Variants in HOXC9 observed in about 807,000 individuals in gnomAD.
HOXC9 encodes homeobox protein Hox-C9.
HOXC9 carries 10 observed loss-of-function variants against 20.0 expected under a neutral mutation model. The observed-to-expected ratio is 0.50, with a 90% CI of 0.31 to 0.85. The LOEUF is 0.85. Among genes scored for constraint, HOXC9 ranks in the 40% least tolerant of loss-of-function variants. The probability of loss-of-function intolerance (pLI) is 0.05; values close to 1 mark genes in which losing one functional copy is unlikely to be tolerated. For synonymous variants in HOXC9, 200 were observed against 163.7 expected, an observed-to-expected ratio of 1.22 and a Z score of -1.69; for missense variants, 394 against 376.7, an observed-to-expected ratio of 1.05 and a Z score of -0.38.
At position 54,000,741 on chromosome 12, in the gene HOXC9, AT is replaced by A. The variant is rs748476702; in HGVS notation, c.538+19del. On this transcript the variant is annotated intron_variant, in intron 1 of 1. Transcript: ENST00000303450. ...CCTGGACCCCAGTAAGTTGGGAGCA[AT>A]TTTCCTTTACAACCGGCGCGGGAGG... 2.7e-6 allele frequency: 4 copies of A among 1,500,794 alleles called. No individual in the cohort carries two copies. The South Asian group carries it at 5.3e-5, about 20-fold the overall frequency. 93.0% of individuals were successfully genotyped at this position (1,500,794 alleles called of 1,614,324 possible). A position where few individuals can be genotyped will look rare whatever the true frequency, so the allele number is the denominator to read the frequency against.
In HOXC9 at chr12:54,002,470, GA is replaced by G; in HGVS notation, c.581del (p.Lys194ArgfsTer24). The G allele has an allele frequency of 1.6e-5, 26 of 1,614,136 alleles. No individual in the cohort carries two copies. Among genetic ancestry groups the G allele is most frequent in the Non-Finnish European group, 2.0e-5 (24 of 1,180,008 alleles). ...ACTGGATTCACGCCCGCTCCACGAG[GA>G]AGAAGCGCTGCCCCTACACCAAGTA... Reference protein sequence around the residue: ...ANWIHARSTRKKRCPYTKYQT... With the variant: ...ANWIHARSTRXKRCPYTKYQT... On this transcript the variant is annotated frameshift_variant, in exon 2 of 2. Transcript: ENST00000303450. LOFTEE classifies it high-confidence loss of function.
chr12:54,002,750 G>T lies in HOXC9; in HGVS notation c.*76G>T. 6.7e-7 allele frequency: 1 copy of T among 1,485,012 alleles called. No individual in the cohort carries two copies. The highest frequency in any genetic ancestry group is 9.0e-7 in the Non-Finnish European group (1 of 1,105,038). 92.0% of individuals were successfully genotyped at this position (1,485,012 alleles called of 1,614,324 possible). On this transcript the variant is annotated 3_prime_UTR_variant, in exon 2 of 2. Coordinates refer to ENST00000303450, the MANE Select transcript of HOXC9 (RefSeq NM_006897.3). ...CACAAAATACCCCAACACAGGCGGG[G>T]GAGAGACGAAAAAGAAAAGGAAAGA...
chr12:54,000,896 G>T (rs1021898580), intron 1 of HOXC9, among the ~76,000 whole-genome samples, 170 bp downstream of exon 1: 11 of 152,078 alleles, frequency 7.2e-5, no homozygotes, highest in African/African-American at 2.4e-4. Context: ...GGGGCAGGAG[G>T]TCTGAGAATG....
At chr12:54,000,839 G>C (rs1280148575) in intron 1 of HOXC9, 113 bp downstream of exon 1, 1 of 959,280 alleles carries the variant, frequency 1.0e-6, no homozygotes, top group African/African-American at 1.8e-5. Flanking sequence ...GGAGAGGGGC[G>C]AGGGGGCGAG....
rs974348354 is a variant in HOXC9, at chr12:54,002,843, T to C, written c.*169T>C. The stretch of plus-strand genomic sequence containing the variant: ...GAAGGGGAAAAGAAAACTCTTGCGA[T>C]TTGGGAGGGTTCAGTGTTGAGATAT... On this transcript the variant is annotated 3_prime_UTR_variant, in exon 2 of 2. Transcript: ENST00000303450. 113 of 728,234 alleles carry C rather than the reference T, an allele frequency of 1.6e-4. No individual in the cohort carries two copies. The highest frequency in any genetic ancestry group is 8.0e-4 in the Middle Eastern group (2 of 2,494). The allele number at this position is 728,234 out of a possible 1,614,324, so 45.1% of individuals were successfully genotyped here. A position where few individuals can be genotyped will look rare whatever the true frequency, so the allele number is the denominator to read the frequency against.
chr12:54,002,617 T>C lies in HOXC9; in HGVS notation c.726T>C (p.Asn242=). 1 of 1,613,972 alleles carries C rather than the reference T, an allele frequency of 6.2e-7. No individual in the cohort carries two copies. The highest frequency in any genetic ancestry group is 8.5e-7 in the Non-Finnish European group (1 of 1,180,006). The change falls in exon 2 of 2, where the codon AAT becomes AAC. Residue 242 remains asparagine, a synonymous_variant. Transcript: ENST00000303450. ...GGCAGGTCAAAATCTGGTTTCAGAA[T>C]CGAAGGATGAAGATGAAAAAGATGA... ...TERQVKIWFQ[N]RRMKMKKMNK...
chr12:54,001,451 C>CAT (rs1054112377), intron 1 of HOXC9, among the ~76,000 whole-genome samples: 4 of 151,628 alleles, frequency 2.6e-5, no homozygotes, highest in African/African-American at 9.7e-5. Flanking sequence ...CACACACACA[C>CAT]ACACTCACTC....
In HOXC9 at chr12:54,000,333, G is replaced by T; in HGVS notation, c.145G>T (p.Asp49Tyr). ...RPSGLVPDCS[D>Y]FPSCSFAPKP... ...CAGCGGTTTGGTGCCGGACTGTAGC[G>T]ATTTTCCGTCCTGTAGCTTCGCGCC... is the stretch of plus-strand genomic sequence containing the variant. The change falls in exon 1 of 2, where the codon GAT (aspartate) becomes TAT (tyrosine). Residue 49 changes from aspartate (D) to tyrosine (Y), a missense_variant. Physicochemically the swap from Asp to Tyr is radical, Grantham distance 160 (BLOSUM62 -3). Transcript: ENST00000303450. 1 of 1,614,042 alleles carries T rather than the reference G, an allele frequency of 6.2e-7. No homozygotes were observed. The highest frequency in any genetic ancestry group is 8.5e-7 in the Non-Finnish European group (1 of 1,180,042).
intron 1 of HOXC9, 46 bp downstream of exon 1, chr12:54,000,772 G>C: frequency 6.9e-7 from 1 of 1,439,166 alleles, no homozygotes; most frequent in South Asian, 1.4e-5. Context: ...GGGAGGGGAG[G>C]GGAGGACGGG....
At chr12:54,000,812 A>C in intron 1 of HOXC9, 86 bp downstream of exon 1, 1 of 1,243,840 alleles carries the variant, frequency 8.0e-7, no homozygotes. Context: ...GCCCTCCCGA[A>C]CCGTGCAGGG....
Position 54,000,430 on chromosome 12 carries a change from GC to G in HOXC9, c.247del (p.Gln83SerfsTer135). 1 of 1,608,366 alleles carries G rather than the reference GC, an allele frequency of 6.2e-7. No individual in the cohort carries two copies. Reference sequence around the variant, plus strand: ...TCGTCCGTGGTATATCACCCGTACGGCCCCCAGCCCCACCTCGGCGCCGACA... The same window carrying G: ...TCGTCCGTGGTATATCACCCGTACGGCCCCAGCCCCACCTCGGCGCCGACA... ...SQSSVVYHPY[G>X]PQPHLGADTR... On this transcript the variant is annotated frameshift_variant, in exon 1 of 2. Coordinates refer to ENST00000303450, the MANE Select transcript of HOXC9 (RefSeq NM_006897.3). LOFTEE classifies it high-confidence loss of function.
intron 1 of HOXC9, among the ~76,000 whole-genome samples, chr12:54,002,010 G>A (rs979153204): frequency 6.6e-6 from 1 of 152,046 alleles, no homozygotes; most frequent in African/African-American, 2.4e-5. Context: ...TTCAGGACTT[G>A]GTCGTGGGCT....
At chr12:54,001,197 T>C (rs894543865) in intron 1 of HOXC9, among the ~76,000 whole-genome samples, 34 of 151,826 alleles carry the variant, frequency 2.2e-4, no homozygotes, top group African/African-American at 7.8e-4. Flanking sequence ...CACTAGAGAT[T>C]CACAAAACAG....
intron 1 of HOXC9, among the ~76,000 whole-genome samples, chr12:54,001,429 T>TACAC (rs56935573): frequency 0.013 from 1,920 of 146,404 alleles, 40 homozygotes; most frequent in African/African-American, 0.036. Flanking sequence ...TAGAGAATTC[T>TACAC]ACACACACAC....
In HOXC9 at chr12:54,002,669, T is replaced by C; in HGVS notation, c.778T>C (p.Ser260Pro). 6.2e-7 allele frequency: 1 copy of C among 1,609,310 alleles called. No individual in the cohort carries two copies. Among genetic ancestry groups the C allele is most frequent in the Middle Eastern group, 1.7e-4 (1 of 6,040 alleles). The change falls in exon 2 of 2, where the codon TCC becomes CCC. Residue 260 changes from serine (S) to proline (P), a missense_variant. Transcript: ENST00000303450. ...TAAAGAGAAAACCGACAAGGAGCAG[T>C]CCTAAACCCTACCCAGCCTGCTGCC... is the stretch of plus-strand genomic sequence containing the variant. ...MNKEKTDKEQ[S>P] is the part of the protein sequence containing the mutation.
In HOXC9 at chr12:54,000,447, G is replaced by C; in HGVS notation, c.259G>C (p.Gly87Arg). The C allele has an allele frequency of 4.4e-6, 7 of 1,605,612 alleles. No homozygotes were observed. The highest frequency in any genetic ancestry group is 5.1e-6 in the Non-Finnish European group (6 of 1,179,772). ...CCCGTACGGCCCCCAGCCCCACCTC[G>C]GCGCCGACACGCGCTACATGCGGAC... Reference protein sequence around the residue: ...YHPYGPQPHLGADTRYMRTWL... With the variant: ...YHPYGPQPHLRADTRYMRTWL... Residue 87 changes from glycine (G) to arginine (R), a missense_variant, in exon 1 of 2, where the codon GGC (glycine) becomes CGC (arginine). Gly to Arg is a moderately radical substitution (Grantham distance 125). Coordinates refer to ENST00000303450, the MANE Select transcript of HOXC9 (RefSeq NM_006897.3).
Position 54,000,517 on chromosome 12 carries a change from C to A in HOXC9, c.329C>A (p.Pro110Gln). 6.3e-7 allele frequency: 1 copy of A among 1,591,558 alleles called. No homozygotes were observed. Among genetic ancestry groups the A allele is most frequent in the East Asian group, 2.3e-5 (1 of 44,196 alleles). The change falls in exon 1 of 2, where the codon CCG becomes CAG. Residue 110 changes from proline (P) to glutamine (Q), a missense_variant. Coordinates refer to ENST00000303450, the MANE Select transcript of HOXC9 (RefSeq NM_006897.3). ...GGCGCCGTCTCCTTCCCCAGCTTCC[C>A]GGCCGGGGGCCGTCACTACGCCCTC... ...LSGAVSFPSF[P>Q]AGGRHYALKP...
In HOXC9 at chr12:54,000,674, G is replaced by A. The variant is rs145061695; in HGVS notation, c.486G>A (p.Ala162=). ...CGCAGACACTGCCCTCGCCCGAGGC[G>A]GACGCGCTCGCCGGCAGCAAGCACA... ...RAPQTLPSPE[A]DALAGSKHKE... Residue 162 remains alanine (A), a synonymous_variant, in exon 1 of 2, where the codon GCG becomes GCA. Coordinates refer to ENST00000303450, the MANE Select transcript of HOXC9 (RefSeq NM_006897.3). 2 of 1,563,144 alleles carry A rather than the reference G, an allele frequency of 1.3e-6. No homozygotes were observed. The highest frequency in any genetic ancestry group is 1.2e-5 in the South Asian group (1 of 85,872).
Position 54,000,632 on chromosome 12 carries a change from G to A in HOXC9, c.444G>A (p.Glu148=). ...YPDYMYGSPG[E]LRDRAPQTLP... is the part of the protein sequence containing the mutation. The stretch of plus-strand genomic sequence containing the variant: ...ACTACATGTACGGCTCGCCCGGGGA[G>A]CTGCGCGACCGCGCCCCGCAGACAC... Residue 148 remains glutamate (E), a synonymous_variant, in exon 1 of 2, where the codon GAG becomes GAA. Transcript: ENST00000303450. 6.5e-7 allele frequency: 1 copy of A among 1,541,200 alleles called. No homozygotes were observed.
Sources: gnomAD v4.1 joint callset for allele counts (sites outside exome capture counted in the v4.1 genomes callset) on GRCh38, gnomAD v4.1.1 for gene constraint, MANE v1.5 for transcripts, NCBI Gene and HGNC (gene_info 2026-07-23, HGNC 2026-07-21) for gene names.